Variants in PIK3CB observed in about 807,000 individuals in gnomAD.
PIK3CB encodes the protein phosphatidylinositol 4,5-bisphosphate 3-kinase catalytic subunit beta isoform.
Under a neutral mutation model 136.8 loss-of-function variants are expected in PIK3CB, and 39 were observed. That is an observed-to-expected ratio of 0.29 (90% CI 0.22 to 0.37). The LOEUF (loss-of-function observed/expected upper bound fraction) is 0.37, where lower values mean the gene tolerates loss of function less well. PIK3CB is among the 10% of genes least tolerant of loss of function. The probability of loss-of-function intolerance (pLI) is 1.00; values close to 1 mark genes in which losing one functional copy is unlikely to be tolerated. For missense variants in PIK3CB, 868 were observed against 1,275.4 expected, an observed-to-expected ratio of 0.68 and a Z score of 4.87; for synonymous variants, 428 against 436.6, an observed-to-expected ratio of 0.98 and a Z score of 0.25.
intron 2 of PIK3CB, among the ~76,000 whole-genome samples, chr3:138,784,306 C>T (rs2045950444): frequency 6.6e-6 from 1 of 152,058 alleles, no homozygotes. Flanking sequence ...CACTTGAACC[C>T]GGGAAGCAGA....
intron 2 of PIK3CB, among the ~76,000 whole-genome samples, chr3:138,785,743 G>A (rs2045975244): frequency 6.6e-6 from 1 of 151,332 alleles, no homozygotes; most frequent in Admixed American, 6.6e-5. Context: ...ATGTTTATCT[G>A]CTGACCTTCC....
At chr3:138,679,929 A>C (rs1423399888) in intron 19 of PIK3CB, among the ~76,000 whole-genome samples, 1 of 118,706 alleles carries the variant, frequency 8.4e-6, no homozygotes, top group Non-Finnish European at 1.7e-5. Context: ...CAGAATAAAC[A>C]CAAAAGTAAA....
In PIK3CB at chr3:138,759,327, A is replaced by T; in HGVS notation, c.17T>A (p.Ile6Lys). Residue 6 changes from isoleucine (I) to lysine (K), a missense_variant, in exon 3 of 24, where the codon ATA (isoleucine) becomes AAA (lysine). Coordinates refer to ENST00000674063, the MANE Select transcript of PIK3CB (RefSeq NM_006219.3). Reference sequence around the variant, plus strand: ...GATGTCTGCCATAGCAGGAGGCATTATGAAACTGAAGCACATTCATAACCA... The same window carrying T: ...GATGTCTGCCATAGCAGGAGGCATTTTGAAACTGAAGCACATTCATAACCA... MCFSF[I>K]MPPAMADILD... is the part of the protein sequence containing the mutation. 1.2e-6 allele frequency: 2 copies of T among 1,608,560 alleles called. No individual in the cohort carries two copies. The highest frequency in any genetic ancestry group is 1.7e-6 in the Non-Finnish European group (2 of 1,175,946).
intron 12 of PIK3CB, among the ~76,000 whole-genome samples, chr3:138,703,657 G>A (rs939074646): frequency 6.6e-6 from 1 of 151,944 alleles, no homozygotes; most frequent in Non-Finnish European, 1.5e-5. Context: ...TATAAATATA[G>A]CAACCCAAGT....
intron 4 of PIK3CB, among the ~76,000 whole-genome samples, chr3:138,749,022 G>C (rs929420190): frequency 6.6e-6 from 1 of 152,040 alleles, no homozygotes; most frequent in Non-Finnish European, 1.5e-5. Flanking sequence ...ACACAGCAAA[G>C]GTATAACACA....
At chr3:138,747,101 T>TATATACAC (rs1559858957) in intron 4 of PIK3CB, among the ~76,000 whole-genome samples, 1 of 92,724 alleles carries the variant, frequency 1.1e-5, no homozygotes, top group African/African-American at 4.8e-5. Flanking sequence ...TATATATATA[T>TATATACAC]ATATATATAT....
chr3:138,704,578 T>A, intron 11 of PIK3CB, 85 bp from the exon 12 acceptor site: 1 of 861,356 alleles, frequency 1.2e-6, no homozygotes, highest in Non-Finnish European at 2.0e-6. Context: ...GTACTTAGAC[T>A]ACATAAGATC....
At position 138,655,326 on chromosome 3, in the gene PIK3CB, A is replaced by C; in HGVS notation, c.*63T>G. ...TCTCTAACAGGGTCATGTTCAATTTAGTGCAAGTGCAAAATGAAAATGAAA... is the reference window on the plus strand; with the variant it reads ...TCTCTAACAGGGTCATGTTCAATTTCGTGCAAGTGCAAAATGAAAATGAAA... On this transcript the variant is annotated 3_prime_UTR_variant, in exon 24 of 24. Coordinates refer to ENST00000674063, the MANE Select transcript of PIK3CB (RefSeq NM_006219.3). 1.3e-6 allele frequency: 2 copies of C among 1,504,486 alleles called. No homozygotes were observed. Among genetic ancestry groups the C allele is most frequent in the Admixed American group, 3.4e-5 (2 of 58,382 alleles). The allele number at this position is 1,504,486 out of a possible 1,614,324, so 93.2% of individuals were successfully genotyped here.
At chr3:138,798,823 A>AC (rs2046138250) in intron 1 of PIK3CB, among the ~76,000 whole-genome samples, 1 of 151,750 alleles carries the variant, frequency 6.6e-6, no homozygotes, top group African/African-American at 2.4e-5. Context: ...GATCTCTAAC[A>AC]CTAGTCCCCT....
chr3:138,718,669 A>G (rs1468286648), intron 8 of PIK3CB, among the ~76,000 whole-genome samples: 1 of 152,228 alleles, frequency 6.6e-6, no homozygotes, highest in Non-Finnish European at 1.5e-5. Context: ...TAAAGTAAAT[A>G]TAAGTGTACA....
intron 19 of PIK3CB, among the ~76,000 whole-genome samples, chr3:138,673,367 G>A (rs2043576608): frequency 1.3e-5 from 2 of 152,190 alleles, no homozygotes; most frequent in South Asian, 4.1e-4. Context: ...AGATTGTACT[G>A]CAGACAAAGG....
intron 22 of PIK3CB, 192 bp downstream of exon 22, chr3:138,657,498 C>A: frequency 3.7e-6 from 2 of 538,436 alleles, no homozygotes; most frequent in East Asian, 6.4e-5. Flanking sequence ...AAATTTCTAG[C>A]ATTCTGTTTC....
intron 4 of PIK3CB, among the ~76,000 whole-genome samples, chr3:138,752,934 G>A (rs886171037): frequency 6.6e-6 from 1 of 152,182 alleles, no homozygotes; most frequent in Non-Finnish European, 1.5e-5. Flanking sequence ...CATAGGAAGA[G>A]GTAATGGTGG....
intron 19 of PIK3CB, among the ~76,000 whole-genome samples, chr3:138,667,919 T>C (rs2043450107): frequency 6.6e-6 from 1 of 151,544 alleles, no homozygotes; most frequent in South Asian, 2.1e-4. Context: ...ATACAAAAAA[T>C]TAGCCAGGCA....
At chr3:138,667,124 G>A (rs1052700457) in intron 19 of PIK3CB, among the ~76,000 whole-genome samples, 3 of 149,068 alleles carry the variant, frequency 2.0e-5, no homozygotes, top group African/African-American at 7.5e-5. Flanking sequence ...CAGGAGAATC[G>A]CTTGAACCCA....
chr3:138,655,161 T>C lies in PIK3CB; in HGVS notation c.*228A>G, dbSNP rs966850190. On this transcript the variant is annotated 3_prime_UTR_variant, in exon 24 of 24. Coordinates refer to ENST00000674063, the MANE Select transcript of PIK3CB (RefSeq NM_006219.3). ...GTGCAAAGTCAGCAGGAAATGATTA[T>C]CCATTGACAGTTTTCATGATAAGTC... The C allele has an allele frequency of 1.0e-5, 5 of 494,052 alleles. No individual in the cohort carries two copies. Among genetic ancestry groups the C allele is most frequent in the Non-Finnish European group, 1.8e-5 (5 of 279,882 alleles). The allele number at this position is 494,052 out of a possible 1,614,324, so 30.6% of individuals were successfully genotyped here.
At chr3:138,793,472 G>A (rs1012327426) in intron 2 of PIK3CB, among the ~76,000 whole-genome samples, 1 of 152,076 alleles carries the variant, frequency 6.6e-6, no homozygotes, top group African/African-American at 2.4e-5. Context: ...CGAGCATGAC[G>A]GCACATGCCT....
Position 138,697,777 on chromosome 3 carries a change from C to T in PIK3CB, c.1770+1130G>A, listed in dbSNP as rs115400896. ...TTTGAGACAAGGTCTCACTCTATTG[C>T]CCAGGGTAGAGTGCAATGGCATTTG... On this transcript the variant is annotated intron_variant, in intron 13 of 23. Transcript: ENST00000674063. 3.8e-3 allele frequency among the ~76,000 whole-genome samples: 579 copies of T among 152,062 alleles called. 5 individuals carry two copies. The highest frequency in any genetic ancestry group is 0.013 in the African/African-American group (556 of 41,488).
intron 1 of PIK3CB, chr3:138,825,101 C>G: frequency 3.6e-6 from 1 of 274,942 alleles, no homozygotes; most frequent in Non-Finnish European, 6.8e-6. Flanking sequence ...TGGGAAAGGA[C>G]TCCTTCAAGT....
Sources: gnomAD v4.1 joint callset for allele counts (sites outside exome capture counted in the v4.1 genomes callset) on GRCh38, gnomAD v4.1.1 for gene constraint, MANE v1.5 for transcripts, NCBI Gene and HGNC (gene_info 2026-07-23, HGNC 2026-07-21) for gene names.